Variants in CTNND2 observed in about 807,000 individuals in gnomAD.
CTNND2 encodes the protein catenin delta-2.
Under a neutral mutation model 144.4 loss-of-function variants are expected in CTNND2, and 22 were observed. The ratio of observed to expected loss-of-function variants is 0.15; its 90% confidence interval spans 0.11 to 0.22. CTNND2 has a LOEUF of 0.22. CTNND2 is among the 10% of genes least tolerant of loss of function. CTNND2 has a pLI of 1.00. For synonymous variants in CTNND2, 751 were observed against 695.6 expected (o/e 1.08, Z -1.25); for missense variants, 1,353 against 1,618.8 (o/e 0.84, Z 2.82).
chr5:11,220,039 A>G (rs1233391902), intron 10 of CTNND2, among the ~76,000 whole-genome samples: 2 of 152,210 alleles, frequency 1.3e-5, no homozygotes, highest in Non-Finnish European at 2.9e-5. Flanking sequence ...GTTCTGCTCA[A>G]CTGTCCATGT....
intron 1 of CTNND2, among the ~76,000 whole-genome samples, chr5:11,758,338 ATT>A (rs929164222): frequency 8.2e-4 from 125 of 152,102 alleles, no homozygotes; most frequent in African/African-American, 2.9e-3. Flanking sequence ...ATAACCATAA[ATT>A]TTTGTTTGAT....
intron 14 of CTNND2, among the ~76,000 whole-genome samples, chr5:11,106,417 C>T (rs543574446): frequency 5.9e-5 from 9 of 152,290 alleles, no homozygotes; most frequent in African/African-American, 2.2e-4. Flanking sequence ...GGAAAAAAGT[C>T]AGTCTGTGTC....
At chr5:11,619,973 A>G (rs1238535327) in intron 2 of CTNND2, among the ~76,000 whole-genome samples, 1 of 152,366 alleles carries the variant, frequency 6.6e-6, no homozygotes, top group African/African-American at 2.4e-5. Context: ...ATATGTTTTC[A>G]ATAAATGTTT....
intron 2 of CTNND2, among the ~76,000 whole-genome samples, chr5:11,648,947 G>C (rs1198744620): frequency 6.6e-6 from 1 of 152,164 alleles, no homozygotes; most frequent in African/African-American, 2.4e-5. Flanking sequence ...CACATTAATT[G>C]CTGTAGATGG....
chr5:11,497,750 T>C (rs1770113395), intron 3 of CTNND2, among the ~76,000 whole-genome samples: 1 of 151,646 alleles, frequency 6.6e-6, no homozygotes, highest in Non-Finnish European at 1.5e-5. Context: ...GCAAGAAAAA[T>C]TAAGAAGATA....
At chr5:11,253,943 T>C (rs1277345958) in intron 9 of CTNND2, among the ~76,000 whole-genome samples, 1 of 152,212 alleles carries the variant, frequency 6.6e-6, no homozygotes, top group Non-Finnish European at 1.5e-5. Context: ...TATTTAATTT[T>C]TTATGTTTAC....
chr5:11,116,212 G>C (rs1329177454), intron 13 of CTNND2, among the ~76,000 whole-genome samples: 2 of 152,180 alleles, frequency 1.3e-5, no homozygotes, highest in African/African-American at 2.4e-5. Flanking sequence ...AAAACCATAG[G>C]ATTAAGGTCA....
intron 9 of CTNND2, among the ~76,000 whole-genome samples, chr5:11,295,409 A>C (rs1748817456): frequency 6.6e-6 from 1 of 152,190 alleles, no homozygotes; most frequent in Non-Finnish European, 1.5e-5. Flanking sequence ...CATACTGCCC[A>C]AGGTAATTTA....
chr5:11,381,480 C>A (rs1448118522), intron 7 of CTNND2, among the ~76,000 whole-genome samples: 2 of 152,202 alleles, frequency 1.3e-5, no homozygotes, highest in African/African-American at 2.4e-5. Context: ...CCCCCGTGGT[C>A]TCCTTGCTAC....
chr5:11,823,295 T>A (rs975801726), intron 1 of CTNND2, among the ~76,000 whole-genome samples: 2 of 152,220 alleles, frequency 1.3e-5, no homozygotes, highest in Admixed American at 1.3e-4. Context: ...GCATGCAATT[T>A]TTTCCAATTA....
chr5:11,863,773 TA>T (rs1394258626), intron 1 of CTNND2, among the ~76,000 whole-genome samples: 1 of 152,144 alleles, frequency 6.6e-6, no homozygotes, highest in Non-Finnish European at 1.5e-5. Flanking sequence ...GCAACATATT[TA>T]ACACAAGATA....
At chr5:11,641,958 T>C (rs1437045646) in intron 2 of CTNND2, among the ~76,000 whole-genome samples, 1 of 152,132 alleles carries the variant, frequency 6.6e-6, no homozygotes, top group African/African-American at 2.4e-5. Context: ...ATTGATTCCA[T>C]TCCCTTTTCT....
At chr5:10,978,689 T>G (rs952858927) in intron 21 of CTNND2, among the ~76,000 whole-genome samples, 10 of 152,208 alleles carry the variant, frequency 6.6e-5, no homozygotes, top group African/African-American at 2.4e-4. Flanking sequence ...GATGCGGAGC[T>G]TGCTCTCCAT....
At chr5:11,132,983 CG>C (rs11341197) in intron 12 of CTNND2, among the ~76,000 whole-genome samples, 86,039 of 151,912 alleles carry the variant, frequency 0.57, 24,467 homozygotes, top group East Asian at 0.65. Context: ...CCAGTTAACT[CG>C]GCCAGAGATT....
intron 14 of CTNND2, among the ~76,000 whole-genome samples, chr5:11,099,353 A>G (rs1380058345): frequency 2.0e-5 from 3 of 152,230 alleles, no homozygotes; most frequent in Non-Finnish European, 4.4e-5. Context: ...AGCAATCATG[A>G]TAGTTAAGTT....
At position 11,053,134 on chromosome 5, in the gene CTNND2, C is replaced by G. The variant is rs1162577151; in HGVS notation, c.2788+29562G>C. ...AAGCTCACTGCTAGGCTGAGTTAATCTCAGATGACTAATCAATTTGGTCTC... is the reference window on the plus strand; with the variant it reads ...AAGCTCACTGCTAGGCTGAGTTAATGTCAGATGACTAATCAATTTGGTCTC... On this transcript the variant is annotated intron_variant, in intron 16 of 21. Coordinates refer to ENST00000304623, the MANE Select transcript of CTNND2 (RefSeq NM_001332.4). Among the ~76,000 whole-genome samples, 57 of 152,164 alleles carry G rather than the reference C, an allele frequency of 3.7e-4. 1 individual carries two copies. The highest frequency in any genetic ancestry group is 3.7e-3 in the Admixed American group (57 of 15,280).
At chr5:11,300,878 C>T (rs775938743) in intron 9 of CTNND2, among the ~76,000 whole-genome samples, 10 of 152,246 alleles carry the variant, frequency 6.6e-5, no homozygotes, top group Admixed American at 3.3e-4. Context: ...CTTCAGAACA[C>T]GGGCCTGCAG....
intron 2 of CTNND2, among the ~76,000 whole-genome samples, chr5:11,580,091 A>G (rs1314846059): frequency 6.6e-6 from 1 of 151,992 alleles, no homozygotes; most frequent in Non-Finnish European, 1.5e-5. Flanking sequence ...TCTACTCAAC[A>G]TGGAGAACAT....
chr5:11,821,333 C>A (rs1793295731), intron 1 of CTNND2, among the ~76,000 whole-genome samples: 1 of 152,120 alleles, frequency 6.6e-6, no homozygotes, highest in African/African-American at 2.4e-5. Flanking sequence ...ACAACTTACT[C>A]TGAAAGCACC....
Sources: gnomAD v4.1 joint callset for allele counts (sites outside exome capture counted in the v4.1 genomes callset) on GRCh38, gnomAD v4.1.1 for gene constraint, MANE v1.5 for transcripts, NCBI Gene and HGNC (gene_info 2026-07-23, HGNC 2026-07-21) for gene names.